The following CEP350 variants were observed in gnomAD, a reference collection of about 807,000 sequenced individuals.
The protein encoded by CEP350 is centrosomal protein 350.
In CEP350, 126 loss-of-function variants were observed where a neutral mutation model predicts 331.8. The ratio of observed to expected loss-of-function variants is 0.38; its 90% CI spans 0.33 to 0.44. The LOEUF (loss-of-function observed/expected upper bound fraction) is 0.44. Ranked by LOEUF, CEP350 falls within the 20% of genes least tolerant of loss-of-function variation. The pLI, the probability that CEP350 is intolerant of heterozygous loss-of-function variation, is 1.00. For missense variants in CEP350, 3,406 were observed against 3,634.6 expected (o/e 0.94, Z 1.62); for synonymous variants, 1,200 against 1,259.5 (o/e 0.95, Z 1.00).
intron 5 of CEP350, among the ~76,000 whole-genome samples, chr1:179,993,102 T>C (rs990241384): frequency 6.6e-6 from 1 of 151,982 alleles, no homozygotes; most frequent in African/African-American, 2.4e-5. Flanking sequence ...CATTTAAAAA[T>C]TTGGGTAAGA....
At position 180,041,713 on chromosome 1, in the gene CEP350, G is replaced by A. The variant is rs1656769316; in HGVS notation, c.4273G>A (p.Glu1425Lys). 1.9e-6 allele frequency: 3 copies of A among 1,613,548 alleles called. No individual in the cohort carries two copies. The highest frequency in any genetic ancestry group is 8.5e-7 in the Non-Finnish European group (1 of 1,179,742). Residue 1425 changes from glutamate (E) to lysine (K), a missense_variant, in exon 19 of 38, where the codon GAA (glutamate) becomes AAA (lysine). Coordinates refer to ENST00000367607, the MANE Select transcript of CEP350 (RefSeq NM_014810.5). ...GGTTCAATCACAACGGGAAGTAACT[G>A]AAGTCCTGCAGGAAGCAACGTGTAA... ...QVVQSQREVT[E>K]VLQEATCKIA...
chr1:180,036,313 A>G (rs1338437465), intron 16 of CEP350, among the ~76,000 whole-genome samples: 1 of 152,276 alleles, frequency 6.6e-6, no homozygotes, highest in Admixed American at 6.5e-5. Context: ...TTGATAAAGC[A>G]GTGGCAGGGT....
chr1:180,090,489 T>C (rs1280172691), intron 32 of CEP350, among the ~76,000 whole-genome samples: 4 of 129,412 alleles, frequency 3.1e-5, no homozygotes, highest in Admixed American at 9.7e-5. Context: ...GAGCTTGCAG[T>C]GAGCCGAGAT....
At chr1:180,068,663 C>T (rs574738466) in intron 27 of CEP350, among the ~76,000 whole-genome samples, 1 of 152,214 alleles carries the variant, frequency 6.6e-6, no homozygotes, top group South Asian at 2.1e-4. Context: ...TAAAATAGGA[C>T]ACTGCATTTT....
rs71118430 is a variant in CEP350 at position 180,055,546 on chromosome 1, CTT to C, written c.5262+1067_5262+1068del. Among the ~76,000 whole-genome samples, 331 of 87,442 alleles carry C rather than the reference CTT, an allele frequency of 3.8e-3. 1 individual carries two copies. Among genetic ancestry groups the C allele is most frequent in the African/African-American group, 0.014 (315 of 22,622 alleles). 57.4% of individuals were successfully genotyped at this position (87,442 alleles called of 152,430 possible). A position where few individuals can be genotyped will look rare whatever the true frequency, so the allele number is the denominator to read the frequency against. On this transcript the variant is annotated intron_variant, in intron 25 of 37. Coordinates refer to ENST00000367607, the MANE Select transcript of CEP350 (RefSeq NM_014810.5). ...AATTTGAATAAATTCTGAATTCCATCTTTTTTTTTTTTTTTTTTTTTTTTGAG... is the reference window on the plus strand; with the variant it reads ...AATTTGAATAAATTCTGAATTCCATCTTTTTTTTTTTTTTTTTTTTTTGAG...
chr1:180,025,700 C>T (rs1041787906), intron 14 of CEP350, among the ~76,000 whole-genome samples: 5 of 151,946 alleles, frequency 3.3e-5, no homozygotes, highest in African/African-American at 1.2e-4. Context: ...TTGAACAATG[C>T]GAACACATGG....
At chr1:180,036,789 A>G in intron 16 of CEP350, 137 bp from the exon 17 acceptor site, 2 of 830,376 alleles carry the variant, frequency 2.4e-6, no homozygotes, top group African/African-American at 1.7e-5. Flanking sequence ...CAGTATCTCC[A>G]AGGTATTCTG....
At chr1:180,065,656 G>A (rs1258688779) in intron 27 of CEP350, among the ~76,000 whole-genome samples, 1 of 151,716 alleles carries the variant, frequency 6.6e-6, no homozygotes, top group Non-Finnish European at 1.5e-5. Flanking sequence ...CATGTGGGAG[G>A]CTGAGGTGGG....
chr1:179,975,528 CT>C (rs1393250647), intron 1 of CEP350, among the ~76,000 whole-genome samples: 2 of 151,632 alleles, frequency 1.3e-5, no homozygotes, highest in African/African-American at 4.8e-5. Context: ...AGAGAAACAT[CT>C]TAATTTTTTT....
intron 33 of CEP350, among the ~76,000 whole-genome samples, chr1:180,092,057 C>G (rs915568695): frequency 7.1e-6 from 1 of 140,570 alleles, no homozygotes; most frequent in East Asian, 2.1e-4. Context: ...AAAAAAAAAA[C>G]GATTTGAATT....
chr1:180,054,334 T>TAC, intron 24 of CEP350, 81 bp from the exon 25 acceptor site: 1 of 1,150,638 alleles, frequency 8.7e-7, no homozygotes, highest in Non-Finnish European at 1.3e-6. Flanking sequence ...GTAGACTTTT[T>TAC]AGTAGTCAAG....
chr1:180,020,036 A>G lies in CEP350; in HGVS notation c.2262A>G (p.Thr754=), dbSNP rs1198818451. Residue 754 remains threonine (T), a synonymous_variant, in exon 12 of 38, where the codon ACA becomes ACG. Transcript: ENST00000367607. ...HHSQPQPFAG[T]AGSLLSHLLS... The stretch of plus-strand genomic sequence containing the variant: ...CTCAACCACAGCCTTTTGCTGGAAC[A>G]GCTGGAAGTTTACTCTCCCATCTCT... 1 of 1,614,054 alleles carries G rather than the reference A, an allele frequency of 6.2e-7. No individual in the cohort carries two copies. The highest frequency in any genetic ancestry group is 8.5e-7 in the Non-Finnish European group (1 of 1,179,886).
intron 37 of CEP350, among the ~76,000 whole-genome samples, chr1:180,105,533 C>T (rs915613269): frequency 6.6e-6 from 1 of 152,170 alleles, no homozygotes; most frequent in African/African-American, 2.4e-5. Context: ...CTGGGTTTGT[C>T]ATACATGGCC....
At chr1:180,107,687 C>T (rs143440268) in intron 37 of CEP350, among the ~76,000 whole-genome samples, 432 of 152,182 alleles carry the variant, frequency 2.8e-3, no homozygotes, top group African/African-American at 9.8e-3. Context: ...GTAAATCCAC[C>T]TAACCTGTCT....
At chr1:179,963,983 T>C (rs180988401) in intron 1 of CEP350, among the ~76,000 whole-genome samples, 6 of 152,334 alleles carry the variant, frequency 3.9e-5, no homozygotes, top group Non-Finnish European at 8.8e-5. Context: ...TTGTGTCATC[T>C]GTTATTTCCT....
chr1:180,067,372 A>T (rs1658604966), intron 27 of CEP350, among the ~76,000 whole-genome samples: 1 of 152,184 alleles, frequency 6.6e-6, no homozygotes, highest in Non-Finnish European at 1.5e-5. Flanking sequence ...GTGGCAAAGA[A>T]ATGTTTGAAT....
rs535765927 is a variant in CEP350 at position 180,088,123 on chromosome 1, G to A, written c.6425+406G>A. 3.9e-5 allele frequency among the ~76,000 whole-genome samples: 6 copies of A among 152,118 alleles called. 1 individual carries two copies. The South Asian group carries it at 1.2e-3, about 32-fold the overall frequency. On this transcript the variant is annotated intron_variant, in intron 32 of 37. Coordinates refer to ENST00000367607, the MANE Select transcript of CEP350 (RefSeq NM_014810.5). Reference sequence around the variant, plus strand: ...GGGTACTGAAAATCTCTATTTGCATGAATATATTTATAATAACATTCGTTA... The same window carrying A: ...GGGTACTGAAAATCTCTATTTGCATAAATATATTTATAATAACATTCGTTA...
At chr1:179,992,015 A>T in intron 4 of CEP350, 47 bp from the exon 5 acceptor site, 1 of 1,465,656 alleles carries the variant, frequency 6.8e-7, no homozygotes, top group Non-Finnish European at 9.0e-7. Context: ...ATTCAGAGGC[A>T]GTTGTATTTT....
At chr1:179,977,295 A>G (rs1159360770) in intron 1 of CEP350, among the ~76,000 whole-genome samples, 1 of 151,968 alleles carries the variant, frequency 6.6e-6, no homozygotes, top group Non-Finnish European at 1.5e-5. Flanking sequence ...CTTTTTGGGA[A>G]CATTTTGAAG....
Sources: allele counts gnomAD v4.1 joint callset (sites outside exome capture counted in the v4.1 genomes callset), GRCh38; gene constraint gnomAD v4.1.1; transcripts MANE v1.5; gene names NCBI Gene and HGNC (gene_info 2026-07-23, HGNC 2026-07-21).